RASGRF1: variants seen among roughly 807,000 people sequenced by gnomAD.
The protein encoded by RASGRF1 is ras-specific guanine nucleotide-releasing factor 1.
RASGRF1 carries 40 observed loss-of-function variants against 138.7 expected under a neutral mutation model. That is an observed-to-expected ratio of 0.29 (90% CI 0.22 to 0.38). The LOEUF is 0.38. Among genes scored for constraint, RASGRF1 ranks in the 10% least tolerant of loss-of-function variants. RASGRF1 has a pLI of 1.00. For synonymous variants in RASGRF1, 614 were observed against 663.2 expected (o/e 0.93, Z 1.14); for missense variants, 1,108 against 1,650.4 (o/e 0.67, Z 5.69).
intron 10 of RASGRF1, among the ~76,000 whole-genome samples, chr15:79,022,070 T>C (rs190936370): frequency 8.5e-5 from 13 of 152,344 alleles, no homozygotes; most frequent in Admixed American, 5.2e-4. Flanking sequence ...TGAGGTCACC[T>C]ACTGGTGGGT....
chr15:79,080,878 C>T lies in RASGRF1; in HGVS notation c.276+9345G>A, dbSNP rs139165055. Among the ~76,000 whole-genome samples, 501 of 152,270 alleles carry T rather than the reference C, an allele frequency of 3.3e-3. 2 individuals carry two copies. The highest frequency in any genetic ancestry group is 0.01 in the African/African-American group (433 of 41,544). The stretch of plus-strand genomic sequence containing the variant: ...AGATTCTGATTCTGACATTTAGCAG[C>T]GAGAGCTCAGGGCCTGGCACAAAAT... On this transcript the variant is annotated intron_variant, in intron 1 of 26. Coordinates refer to ENST00000558480, the MANE Select transcript of RASGRF1 (RefSeq NM_001145648.3).
intron 22 of RASGRF1, among the ~76,000 whole-genome samples, chr15:78,986,888 A>G (rs2141645416): frequency 6.6e-6 from 1 of 152,358 alleles, no homozygotes; most frequent in East Asian, 1.9e-4. Context: ...TACATGTATT[A>G]TACCTCTTAA....
intron 1 of RASGRF1, among the ~76,000 whole-genome samples, chr15:79,083,113 C>T (rs1276466331): frequency 1.3e-5 from 2 of 152,176 alleles, no homozygotes; most frequent in South Asian, 2.1e-4. Context: ...AATGCCGGGT[C>T]GCCATGGCTG....
intron 1 of RASGRF1, 118 bp downstream of exon 1, chr15:79,090,104 CG>C (rs879564453): frequency 2.2e-5 from 30 of 1,339,076 alleles, no homozygotes; most frequent in Non-Finnish European, 2.9e-5. Flanking sequence ...GTGCAGAGAG[CG>C]CCTAGGGCGC....
intron 17 of RASGRF1, among the ~76,000 whole-genome samples, chr15:78,999,106 A>G (rs916586521): frequency 5.3e-5 from 8 of 151,254 alleles, no homozygotes; most frequent in African/African-American, 9.8e-5. Context: ...AGAGCCACGC[A>G]GGGCCTCCCC....
At chr15:79,005,195 G>A in intron 14 of RASGRF1, 1 of 985,550 alleles carries the variant, frequency 1.0e-6, no homozygotes, top group Non-Finnish European at 1.2e-6. Context: ...GAGGCCTGAG[G>A]TGGGGGCAGG....
chr15:78,966,051 CTGT>C (rs1225266294), intron 26 of RASGRF1, among the ~76,000 whole-genome samples: 1 of 152,006 alleles, frequency 6.6e-6, no homozygotes, highest in Non-Finnish European at 1.5e-5. Flanking sequence ...TGGCTTGCTG[CTGT>C]TAATTGGCCA....
At chr15:79,065,620 C>T (rs978707090) in intron 1 of RASGRF1, among the ~76,000 whole-genome samples, 4 of 151,882 alleles carry the variant, frequency 2.6e-5, no homozygotes, top group African/African-American at 7.3e-5. Flanking sequence ...GGCAGACAAA[C>T]GAAGTGCTGG....
chr15:79,058,121 C>T (rs1381362577), intron 3 of RASGRF1, among the ~76,000 whole-genome samples: 1 of 152,224 alleles, frequency 6.6e-6, no homozygotes, highest in Non-Finnish European at 1.5e-5. Flanking sequence ...TTCCAGGTTG[C>T]AGTCAATAAG....
intron 2 of RASGRF1, among the ~76,000 whole-genome samples, chr15:79,061,278 G>GT (rs1252524733): frequency 6.6e-6 from 1 of 151,982 alleles, no homozygotes; most frequent in East Asian, 1.9e-4. Flanking sequence ...GTGAGACCCT[G>GT]GCAGAGAGAG....
intron 20 of RASGRF1, among the ~76,000 whole-genome samples, chr15:78,992,896 G>A (rs1030800765): frequency 6.6e-6 from 1 of 152,150 alleles, no homozygotes; most frequent in Non-Finnish European, 1.5e-5. Context: ...CTTGCTACAC[G>A]CTGAGATAGA....
chr15:79,034,073 C>T (rs1390909868), intron 6 of RASGRF1, among the ~76,000 whole-genome samples: 4 of 152,186 alleles, frequency 2.6e-5, no homozygotes, highest in South Asian at 2.1e-4. Flanking sequence ...GAGAAAAACA[C>T]GGGTCTTTGA....
chr15:79,016,879 A>G (rs1051324726), intron 12 of RASGRF1, among the ~76,000 whole-genome samples: 3 of 152,150 alleles, frequency 2.0e-5, no homozygotes, highest in South Asian at 4.1e-4. Context: ...TTCAGTTTCT[A>G]CAGGCACAGG....
At chr15:79,033,505 C>T (rs565765577) in intron 6 of RASGRF1, among the ~76,000 whole-genome samples, 1 of 152,024 alleles carries the variant, frequency 6.6e-6, no homozygotes, top group East Asian at 1.9e-4. Flanking sequence ...CCTACCCTGG[C>T]CTCCCAAAGT....
At chr15:79,013,818 C>T (rs957586918) in intron 13 of RASGRF1, among the ~76,000 whole-genome samples, 7 of 152,120 alleles carry the variant, frequency 4.6e-5, no homozygotes, top group African/African-American at 7.2e-5. Flanking sequence ...TGGAGAGCTG[C>T]GTTTAGTAGG....
chr15:79,001,554 T>G, intron 16 of RASGRF1, 108 bp downstream of exon 16: 1 of 1,314,146 alleles, frequency 7.6e-7, no homozygotes, highest in South Asian at 1.8e-5. Context: ...CTCTTAGGAG[T>G]CACTCATAAA....
In RASGRF1 at chr15:79,064,810, T is replaced by C. The variant is rs1042085313; in HGVS notation, c.277-284A>G. ...AAATTGCAAAAAAGCCAGTTTGAAA[T>C]CATCAGGCGCGCTGGAGGGAAGGCA... is the stretch of plus-strand genomic sequence containing the variant. On this transcript the variant is annotated intron_variant, in intron 1 of 26. Transcript: ENST00000558480. The C allele has an allele frequency of 2.3e-4, 100 of 441,308 alleles. 4 individuals are homozygous for C. Among genetic ancestry groups the C allele is most frequent in the Non-Finnish European group, 1.2e-5 (3 of 245,400 alleles). 27.3% of individuals were successfully genotyped at this position (441,308 alleles called of 1,614,324 possible).
intron 19 of RASGRF1, 106 bp from the exon 20 acceptor site, chr15:78,995,906 C>A: frequency 9.4e-7 from 1 of 1,061,102 alleles, no homozygotes; most frequent in South Asian, 1.3e-5. Context: ...CCTCTGTCCT[C>A]GTCATCCCCA....
At chr15:79,040,109 C>CT (rs879501060) in intron 5 of RASGRF1, among the ~76,000 whole-genome samples, 53 of 151,406 alleles carry the variant, frequency 3.5e-4, no homozygotes, top group African/African-American at 1.1e-3. Context: ...GTTTTTAGGA[C>CT]TTTTTTTTTA....
Sources: gnomAD v4.1 joint callset for allele counts (sites outside exome capture counted in the v4.1 genomes callset) on GRCh38, gnomAD v4.1.1 for gene constraint, MANE v1.5 for transcripts, NCBI Gene and HGNC (gene_info 2026-07-23, HGNC 2026-07-21) for gene names.